The following PFKFB3 variants were observed in gnomAD, a reference collection of about 807,000 sequenced individuals.
The protein encoded by PFKFB3 is 6-phosphofructo-2-kinase/fructose-2,6-biphosphatase 3, also known as 6-phosphofructo-2-kinase/fructose-2,6-bisphosphatase 3.
In PFKFB3, 33 loss-of-function variants were observed where a neutral mutation model predicts 68.0. That is an observed-to-expected ratio of 0.49 (90% CI 0.37 to 0.65). PFKFB3 has a LOEUF of 0.65. Among genes scored for constraint, PFKFB3 ranks in the 30% least tolerant of loss-of-function variants. PFKFB3 has a pLI of 0.00. For missense variants in PFKFB3, 586 were observed against 712.2 expected, an observed-to-expected ratio of 0.82 and a Z score of 2.02; for synonymous variants, 315 against 288.2, an observed-to-expected ratio of 1.09 and a Z score of -0.94.
At chr10:6,258,079 A>G (rs1470203053), downstream of PFKFB3, among the ~76,000 whole-genome samples, 1 of 152,248 alleles carries the variant, frequency 6.6e-6, no homozygotes, top group African/African-American at 2.4e-5. Flanking sequence ...CTATGCAGCC[A>G]TCAATAAGAA....
chr10:6,293,286 G>A, the PFKFB3 span: 1 of 398,238 alleles, frequency 2.5e-6, no homozygotes, highest in Non-Finnish European at 4.9e-6. Context: ...CAGATGTTGT[G>A]TTCTGTGAGA....
At chr10:6,280,166 T>C in the PFKFB3 span, among the ~76,000 whole-genome samples, 1 of 152,252 alleles carries the variant, frequency 6.6e-6, no homozygotes. Context: ...CTGGCGTCTC[T>C]TCCTCCAGGA....
At chr10:6,155,523 G>T (rs1841752138) in intron 1 of PFKFB3, among the ~76,000 whole-genome samples, 1 of 152,090 alleles carries the variant, frequency 6.6e-6, no homozygotes, top group Non-Finnish European at 1.5e-5. Context: ...CACTTTCCCA[G>T]GGTTTCCGTG....
At chr10:6,312,436 C>T in the PFKFB3 span, among the ~76,000 whole-genome samples, 23 of 152,138 alleles carry the variant, frequency 1.5e-4, no homozygotes, top group African/African-American at 4.3e-4. Flanking sequence ...CTACTGTCAG[C>T]GGTGTGCCAA....
At chr10:6,177,634 T>G (rs1392719823) in intron 1 of PFKFB3, among the ~76,000 whole-genome samples, 1 of 151,402 alleles carries the variant, frequency 6.6e-6, no homozygotes, top group Admixed American at 6.6e-5. Context: ...CAAGCAATTC[T>G]CCTGCCTCAG....
chr10:6,219,265 C>T (rs1455339516), intron 6 of PFKFB3, among the ~76,000 whole-genome samples: 1 of 152,216 alleles, frequency 6.6e-6, no homozygotes, highest in Non-Finnish European at 1.5e-5. Context: ...CTGGCGGTGA[C>T]TCGGGCACGG....
In PFKFB3 at chr10:6,249,199, AAAAAG is replaced by A. The variant is rs1282708311; in HGVS notation, c.1516-4968_1516-4964del. On this transcript the variant is annotated intron_variant, in intron 14 of 14. Coordinates refer to the PFKFB3 transcript ENST00000640683. ...CAATTAAAAAAAAAAAAAAAAAAAA[AAAAAG>A]AAAAGAAAAGGAAACCCTTGTACAC... 2.7e-4 allele frequency among the ~76,000 whole-genome samples: 40 copies of A among 146,986 alleles called. 1 individual carries two copies. The East Asian group carries it at 3.2e-3, about 12-fold the overall frequency.
chr10:6,257,360 C>T (rs933324181), downstream of PFKFB3, among the ~76,000 whole-genome samples: 3 of 152,186 alleles, frequency 2.0e-5, no homozygotes, highest in Admixed American at 2.0e-4. Flanking sequence ...CCTAACTCAA[C>T]TCTGGGAAAA....
At chr10:6,199,137 G>A (rs1344450600), upstream of PFKFB3, among the ~76,000 whole-genome samples, 1 of 152,116 alleles carries the variant, frequency 6.6e-6, no homozygotes, top group Non-Finnish European at 1.5e-5. Flanking sequence ...CTCATACATG[G>A]GATTTTTCTC....
Position 6,219,648 on chromosome 10 carries a change from G to T in PFKFB3, c.578G>T (p.Cys193Phe). 6.2e-7 allele frequency: 1 copy of T among 1,613,892 alleles called. No individual in the cohort carries two copies. Residue 193 changes from cysteine to phenylalanine, a missense_variant, in exon 7 of 15, where the codon TGC (cysteine) becomes TTC (phenylalanine). Cys to Phe is a radical substitution (Grantham distance 205). Transcript: ENST00000379775. ...GACGACTTCATGAAGAGGATCAGTT[G>T]CTATGAAGCCAGCTACCAGCCCCTC... is the stretch of plus-strand genomic sequence containing the variant. Reference protein sequence around the residue: ...AMDDFMKRISCYEASYQPLDP... With the variant: ...AMDDFMKRISFYEASYQPLDP...
chr10:6,215,788 G>T lies in PFKFB3; in HGVS notation c.300-337G>T, dbSNP rs998294815. On this transcript the variant is annotated intron_variant, in intron 3 of 14. Transcript: ENST00000379775. The surrounding 1 kb of genome is among the most constrained non-coding windows in gnomAD (Gnocchi z 4.3). ...CCCGGCTGTATGCTGGAGTCTCCTG[G>T]GGGATGCTAAAATCCCTGATGCCAG... Among the ~76,000 whole-genome samples, 1 of 152,184 alleles carries T rather than the reference G, an allele frequency of 6.6e-6. No homozygotes were observed. Among genetic ancestry groups the T allele is most frequent in the African/African-American group, 2.4e-5 (1 of 41,448 alleles).
chr10:6,223,938 G>C lies in PFKFB3; in HGVS notation c.1214-20G>C, dbSNP rs973213022. 3.7e-6 allele frequency: 6 copies of C among 1,609,794 alleles called. No individual in the cohort carries two copies. The highest frequency in any genetic ancestry group is 1.7e-5 in the Admixed American group (1 of 59,990). On this transcript the variant is annotated intron_variant, in intron 11 of 14. Transcript: ENST00000379775. The stretch of plus-strand genomic sequence containing the variant: ...GGCCGTGTCTCATTTCTAACTGTGG[G>C]TGTACAATTTCAATTTCAGAGGAGA...
intron 1 of PFKFB3, among the ~76,000 whole-genome samples, chr10:6,177,805 G>A (rs1842573142): frequency 6.6e-6 from 1 of 152,166 alleles, no homozygotes; most frequent in Admixed American, 6.6e-5. Context: ...TTACAGGTGT[G>A]TGCCACCGTG....
chr10:6,237,528 T>A (rs1160951761), downstream of PFKFB3, among the ~76,000 whole-genome samples: 1 of 152,250 alleles, frequency 6.6e-6, no homozygotes, highest in Admixed American at 6.5e-5. Flanking sequence ...TTCAAAGCCT[T>A]CTGTGAGTTT....
chr10:6,198,969 C>A (rs1040922879), upstream of PFKFB3, among the ~76,000 whole-genome samples: 1 of 152,204 alleles, frequency 6.6e-6, no homozygotes, highest in Non-Finnish European at 1.5e-5. Context: ...GTTTTTCGAA[C>A]CCCCAACATG....
chr10:6,278,411 G>A, the PFKFB3 span, among the ~76,000 whole-genome samples: 1 of 151,640 alleles, frequency 6.6e-6, no homozygotes, highest in South Asian at 2.1e-4. Flanking sequence ...GAGTAGCTGG[G>A]ATTACAGGCA....
At chr10:6,262,457 A>AC in the PFKFB3 span, among the ~76,000 whole-genome samples, 2 of 136,012 alleles carry the variant, frequency 1.5e-5, no homozygotes, top group Non-Finnish European at 3.2e-5. Flanking sequence ...CATCTCAAAA[A>AC]AAAAAAAAAA....
At chr10:6,237,466 G>A (rs955110250), downstream of PFKFB3, among the ~76,000 whole-genome samples, 3 of 152,272 alleles carry the variant, frequency 2.0e-5, no homozygotes, top group African/African-American at 7.2e-5. Flanking sequence ...TGTGAGCAAA[G>A]ATGTCGTTGA....
At chr10:6,224,481 C>A in intron 13 of PFKFB3, 1 of 619,846 alleles carries the variant, frequency 1.6e-6, no homozygotes, top group East Asian at 3.2e-5. Flanking sequence ...AAGATACATT[C>A]TCTCTTTTTT....
Sources: allele counts gnomAD v4.1 joint callset (sites outside exome capture counted in the v4.1 genomes callset), GRCh38; gene constraint gnomAD v4.1.1; non-coding constraint Gnocchi (gnomAD v3.1); transcripts MANE v1.5; gene names NCBI Gene and HGNC (gene_info 2026-07-23, HGNC 2026-07-21).